LSAMP: variants seen among roughly 807,000 people sequenced by gnomAD.
LSAMP encodes limbic system-associated membrane protein.
LSAMP carries 7 observed loss-of-function variants against 38.6 expected under a neutral mutation model. The ratio of observed to expected loss-of-function variants is 0.18; its 90% CI spans 0.10 to 0.34. LSAMP has a LOEUF of 0.34. Among genes scored for constraint, LSAMP ranks in the 10% least tolerant of loss-of-function variants. The probability of loss-of-function intolerance (pLI) is 1.00; values close to 1 mark genes in which losing one functional copy is unlikely to be tolerated. For missense variants in LSAMP, 313 were observed against 420.0 expected (o/e 0.75, Z 2.23); for synonymous variants, 154 against 166.8 (o/e 0.92, Z 0.59).
At chr3:115,837,969 A>C (rs1008397137) in intron 6 of LSAMP, 1 of 152,226 alleles carries the variant, frequency 6.6e-6, no homozygotes, top group African/African-American at 2.4e-5. Flanking sequence ...TGCTATGCTG[A>C]TTGGGTGTCT....
chr3:115,882,731 G>C (rs900019233), intron 3 of LSAMP, among the ~76,000 whole-genome samples: 5 of 151,938 alleles, frequency 3.3e-5, no homozygotes, highest in African/African-American at 1.2e-4. Context: ...ATAATGCATT[G>C]ATACCAAAGG....
At chr3:116,120,352 A>G (rs1463033797) in intron 1 of LSAMP, among the ~76,000 whole-genome samples, 1 of 152,176 alleles carries the variant, frequency 6.6e-6, no homozygotes, top group African/African-American at 2.4e-5. Flanking sequence ...TAAGAATACA[A>G]TATTTTAATC....
chr3:116,098,684 T>C (rs945651694), intron 1 of LSAMP, among the ~76,000 whole-genome samples: 11 of 152,182 alleles, frequency 7.2e-5, no homozygotes, highest in Non-Finnish European at 8.8e-5. Context: ...CAAAGGACAA[T>C]GGTGTGAGGA....
intron 1 of LSAMP, among the ~76,000 whole-genome samples, chr3:116,119,047 T>C (rs912980557): frequency 3.3e-5 from 5 of 152,178 alleles, no homozygotes; most frequent in Admixed American, 1.3e-4. Flanking sequence ...TAGTAATAGA[T>C]TTATAGCACT....
intron 1 of LSAMP, among the ~76,000 whole-genome samples, chr3:116,207,371 G>C (rs1298509665): frequency 6.6e-6 from 1 of 151,968 alleles, no homozygotes; most frequent in Non-Finnish European, 1.5e-5. Flanking sequence ...TTGCCAGTCT[G>C]TGTCTTTTAA....
chr3:115,894,388 C>T (rs1430214739), intron 3 of LSAMP, among the ~76,000 whole-genome samples: 1 of 152,012 alleles, frequency 6.6e-6, no homozygotes, highest in African/African-American at 2.4e-5. Context: ...AATGCATGAA[C>T]TGGCCCAAGA....
intron 1 of LSAMP, among the ~76,000 whole-genome samples, chr3:116,229,479 C>T (rs150828277): frequency 9.9e-5 from 15 of 152,238 alleles, no homozygotes; most frequent in South Asian, 2.1e-4. Context: ...ATTTTTAATT[C>T]AGTCGTTCGG....
At chr3:116,355,191 A>G (rs897135332) in intron 1 of LSAMP, among the ~76,000 whole-genome samples, 1 of 152,192 alleles carries the variant, frequency 6.6e-6, no homozygotes, top group African/African-American at 2.4e-5. Context: ...GCAGTAAGGA[A>G]AAAAACAGCA....
intron 1 of LSAMP, among the ~76,000 whole-genome samples, chr3:116,439,780 T>G (rs1198895784): frequency 6.6e-6 from 1 of 152,278 alleles, no homozygotes; most frequent in Non-Finnish European, 1.5e-5. Context: ...TGGAGCGCAG[T>G]GGCGCGATCT....
chr3:116,273,593 A>G (rs1014549456), intron 1 of LSAMP, among the ~76,000 whole-genome samples: 3 of 149,334 alleles, frequency 2.0e-5, no homozygotes, highest in Non-Finnish European at 4.4e-5. Context: ...TGATCTATTT[A>G]TTTTGAATTC....
chr3:115,898,598 CATATATATATAT>C (rs10527269), intron 3 of LSAMP, among the ~76,000 whole-genome samples: 7 of 142,006 alleles, frequency 4.9e-5, no homozygotes, highest in African/African-American at 7.7e-5. Context: ...CATGAAGATG[CATATATATATAT>C]ATATATATAT....
chr3:115,847,636 G>A (rs1935202007), intron 4 of LSAMP, among the ~76,000 whole-genome samples: 1 of 152,162 alleles, frequency 6.6e-6, no homozygotes, highest in African/African-American at 2.4e-5. Context: ...TAGTGAATGA[G>A]TTCTCATGAG....
At chr3:116,253,976 T>C (rs987240767) in intron 1 of LSAMP, among the ~76,000 whole-genome samples, 4 of 152,196 alleles carry the variant, frequency 2.6e-5, no homozygotes, top group Admixed American at 2.6e-4. Context: ...ATTATTTCCT[T>C]TCCCTGCAGT....
intron 1 of LSAMP, among the ~76,000 whole-genome samples, chr3:116,099,046 T>C (rs908749799): frequency 6.6e-6 from 1 of 152,178 alleles, no homozygotes; most frequent in Non-Finnish European, 1.5e-5. Flanking sequence ...GTAACTGGTA[T>C]CTGGATTTGG....
At chr3:116,145,865 G>C (rs909745332) in intron 1 of LSAMP, among the ~76,000 whole-genome samples, 2 of 151,610 alleles carry the variant, frequency 1.3e-5, no homozygotes, top group Non-Finnish European at 2.9e-5. Flanking sequence ...TTTTTGCATA[G>C]ATTTTTTAAT....
chr3:115,979,002 A>T (rs1939273188), intron 3 of LSAMP, among the ~76,000 whole-genome samples: 1 of 152,162 alleles, frequency 6.6e-6, no homozygotes, highest in South Asian at 2.1e-4. Context: ...GAAACATTGT[A>T]AAACAGAAAA....
At chr3:115,853,063 A>G (rs182165053) in intron 3 of LSAMP, among the ~76,000 whole-genome samples, 5 of 152,340 alleles carry the variant, frequency 3.3e-5, no homozygotes, top group Admixed American at 2.0e-4. Context: ...CGGGAGGTAC[A>G]TGCAAATCAT....
At chr3:116,094,179 T>A (rs1231298067) in intron 1 of LSAMP, among the ~76,000 whole-genome samples, 1 of 152,208 alleles carries the variant, frequency 6.6e-6, no homozygotes, top group African/African-American at 2.4e-5. Flanking sequence ...CATCTTTGCT[T>A]CATTACCATT....
chr3:116,033,871 C>T (rs1473248263), intron 2 of LSAMP, among the ~76,000 whole-genome samples: 3 of 152,088 alleles, frequency 2.0e-5, no homozygotes, highest in Non-Finnish European at 2.9e-5. Context: ...ATCAGCAGCT[C>T]GTCCACAAGG....
Sources: allele counts gnomAD v4.1 joint callset (sites outside exome capture counted in the v4.1 genomes callset), GRCh38; gene constraint gnomAD v4.1.1; transcripts MANE v1.5; gene names NCBI Gene and HGNC (gene_info 2026-07-23, HGNC 2026-07-21).